Variants in BRCA1 observed in about 807,000 individuals in gnomAD.
BRCA1 encodes the protein breast cancer type 1 susceptibility protein.
A neutral mutation model predicts 173.7 loss-of-function variants in BRCA1; 140 were observed. That is an observed-to-expected ratio of 0.81 (90% confidence interval 0.70 to 0.93). The LOEUF (loss-of-function observed/expected upper bound fraction) is 0.93. BRCA1 is among the 40% of genes least tolerant of loss of function. The pLI is 0.00. For missense variants in BRCA1, 1,983 were observed against 2,172.5 expected (o/e 0.91, Z 1.73); for synonymous variants, 662 against 756.0 (o/e 0.88, Z 2.04).
chr17:43,155,716 G>A (rs1156674035), intron 1 of BRCA1, among the ~76,000 whole-genome samples: 1 of 151,986 alleles, frequency 6.6e-6, no homozygotes, highest in Admixed American at 6.6e-5. Context: ...TGTATTTTTG[G>A]TAGGGAAGGG....
Position 43,091,008 on chromosome 17 carries a change from C to T in BRCA1, c.4121G>A (p.Ser1374Asn), listed in dbSNP as rs1382449149. Residue 1374 changes from serine to asparagine, a missense_variant, in exon 11 of 23, where the codon AGT (serine) becomes AAT (asparagine). Transcript: ENST00000357654. ...GCAGTCTTCAGAGACGCTTGTTTCA[C>T]TCTCACACCCAGATGCTGCTTCACC... ...NLGEAASGCE[S>N]ETSVSEDCSG... 1.9e-6 allele frequency: 3 copies of T among 1,612,748 alleles called. No individual in the cohort carries two copies. The highest frequency in any genetic ancestry group is 2.5e-6 in the Non-Finnish European group (3 of 1,179,562).
intron 1 of BRCA1, among the ~76,000 whole-genome samples, chr17:43,149,269 T>TG (rs34687590): frequency 0.3 from 43,212 of 146,190 alleles, 6,840 homozygotes; most frequent in South Asian, 0.48. Flanking sequence ...GGGCTAGTTT[T>TG]TTTTTTTTTT....
chr17:43,124,507 C>T (rs2154578657), intron 1 of BRCA1, among the ~76,000 whole-genome samples: 1 of 152,264 alleles, frequency 6.6e-6, no homozygotes, highest in East Asian at 1.9e-4. Flanking sequence ...GGCCTCCCCG[C>T]CCCTAACCTT....
chr17:43,169,539 T>C (rs925840902), intron 1 of BRCA1, among the ~76,000 whole-genome samples: 1 of 152,142 alleles, frequency 6.6e-6, no homozygotes, highest in African/African-American at 2.4e-5. Flanking sequence ...GGATTCCTCC[T>C]CGGACACACT....
chr17:43,104,816 G>T (rs1449227369), intron 5 of BRCA1, 52 bp downstream of exon 5: 3 of 1,497,396 alleles, frequency 2.0e-6, no homozygotes, highest in Middle Eastern at 3.4e-4. Context: ...CAAACTTCCT[G>T]AGTTTTCATG....
At chr17:43,139,688 TC>T (rs2154581436) in intron 1 of BRCA1, 1 of 354,354 alleles carries the variant, frequency 2.8e-6, no homozygotes, top group East Asian at 7.7e-5. Context: ...CTCTCCCTCC[TC>T]CCACCCTTCA....
At chr17:43,100,672 ATATATAATATATAT>A (rs1411099826) in intron 6 of BRCA1, among the ~76,000 whole-genome samples, 191 of 18,500 alleles carry the variant, frequency 0.01, 25 homozygotes, top group African/African-American at 0.062. Flanking sequence ...ATATATATAT[ATATATAATATATAT>A]ATATATATAT....
chr17:43,077,775 C>A (rs567043731), intron 12 of BRCA1, among the ~76,000 whole-genome samples: 1 of 151,836 alleles, frequency 6.6e-6, no homozygotes, highest in African/African-American at 2.4e-5. Context: ...CTCTTGTTGC[C>A]CAGGCTGCAG....
intron 12 of BRCA1, among the ~76,000 whole-genome samples, chr17:43,080,455 C>T (rs1030916627): frequency 6.6e-6 from 1 of 152,010 alleles, no homozygotes; most frequent in African/African-American, 2.4e-5. Context: ...CCTTGGCCTC[C>T]CAAAGTGCTG....
intron 3 of BRCA1, among the ~76,000 whole-genome samples, chr17:43,114,818 A>T (rs1390933305): frequency 6.6e-6 from 1 of 152,210 alleles, no homozygotes; most frequent in African/African-American, 2.4e-5. Flanking sequence ...TGTGAGCCAT[A>T]GCTTAACATA....
chr17:43,083,827 AAGG>A lies in BRCA1; in HGVS notation c.4186-1255_4186-1253del, dbSNP rs567832326. ...TGATAAACAAAGAATTTAGGTATGT[AAGG>A]AGTTTTCCAAAATATCCTTCTTAAG... is the stretch of plus-strand genomic sequence containing the variant. On this transcript the variant is annotated intron_variant, in intron 11 of 22. Coordinates refer to ENST00000357654, the MANE Select transcript of BRCA1 (RefSeq NM_007294.4). Among the ~76,000 whole-genome samples the A allele has an allele frequency of 2.0e-5, 3 of 152,306 alleles. No homozygotes were observed. The East Asian group carries it at 5.8e-4, about 29-fold the overall frequency.
In BRCA1 at chr17:43,145,389, C is replaced by T. The variant is rs536435885; in HGVS notation, c.-19-21274G>A. Reference sequence around the variant, plus strand: ...TCGCCCAGGCTGCAGTGCAGTGGTGCGATCTCGGCTCACTGCAAGCTCCGC... The same window carrying T: ...TCGCCCAGGCTGCAGTGCAGTGGTGTGATCTCGGCTCACTGCAAGCTCCGC... On this transcript the variant is annotated intron_variant, in intron 1 of 7. Coordinates refer to the BRCA1 transcript ENST00000634433. 6.5e-4 allele frequency: 254 copies of T among 388,576 alleles called. 4 individuals are homozygous for T. Among genetic ancestry groups the T allele is most frequent in the South Asian group, 5.3e-3 (246 of 46,686 alleles). 24.1% of individuals were successfully genotyped at this position (388,576 alleles called of 1,614,324 possible). A position where few individuals can be genotyped will look rare whatever the true frequency, so the allele number is the denominator to read the frequency against.
At chr17:43,120,626 G>A (rs1378576151) in intron 2 of BRCA1, among the ~76,000 whole-genome samples, 8 of 151,952 alleles carry the variant, frequency 5.3e-5, no homozygotes, top group Admixed American at 2.0e-4. Flanking sequence ...TTAGCCGGGC[G>A]TGGTGGTGGA....
intron 1 of BRCA1, among the ~76,000 whole-genome samples, chr17:43,131,687 C>T (rs567806223): frequency 1.3e-5 from 2 of 151,468 alleles, no homozygotes; most frequent in East Asian, 3.9e-4. Context: ...TGCCACTGCA[C>T]TTCAGCCTCG....
rs572766355 is a variant in BRCA1 at position 43,056,992 on chromosome 17, G to GGGAGTGGAATAC, written c.5277+48_5277+59dup. 3,419 of 1,469,986 alleles carry GGGAGTGGAATAC rather than the reference G, an allele frequency of 2.3e-3. 2 individuals are homozygous for GGGAGTGGAATAC. The highest frequency in any genetic ancestry group is 3.0e-3 in the Non-Finnish European group (3,160 of 1,048,786). The allele number at this position is 1,469,986 out of a possible 1,614,324, so 91.1% of individuals were successfully genotyped here. The stretch of plus-strand genomic sequence containing the variant: ...AATGAAGCGGCCCATCTCTGCAAAG[G>GGGAGTGGAATAC]GGAGTGGAATACAGAGTGGTGGGGT... On this transcript the variant is annotated intron_variant, in intron 19 of 22. Coordinates refer to ENST00000357654, the MANE Select transcript of BRCA1 (RefSeq NM_007294.4).
rs397507189 is a variant in BRCA1, at chr17:43,106,507, T to C, written c.161A>G (p.Gln54Arg). The C allele has an allele frequency of 6.2e-7, 1 of 1,603,460 alleles. No homozygotes were observed. The highest frequency in any genetic ancestry group is 8.5e-7 in the Non-Finnish European group (1 of 1,171,206). The change falls in exon 4 of 23, where the codon CAG (glutamine) becomes CGG (arginine). Residue 54 changes from glutamine (Q) to arginine (R), a missense_variant. Gln to Arg is a conservative substitution (Grantham distance 43). Coordinates refer to ENST00000357654, the MANE Select transcript of BRCA1 (RefSeq NM_007294.4). ...AGGACACTGTGAAGGCCCTTTCTTC[T>C]GGTTGAGAAGTTTCAGCATGCAAAA... is the stretch of plus-strand genomic sequence containing the variant. ...CKFCMLKLLN[Q>R]KKGPSQCPLC...
Position 43,044,737 on chromosome 17 carries a change from AAC to A in BRCA1, c.*939_*940del. The A allele has an allele frequency of 2.0e-6, 1 of 502,434 alleles. No individual in the cohort carries two copies. The highest frequency in any genetic ancestry group is 3.9e-6 in the Non-Finnish European group (1 of 256,526). 31.1% of individuals were successfully genotyped at this position (502,434 alleles called of 1,614,324 possible). On this transcript the variant is annotated 3_prime_UTR_variant, in exon 23 of 23. Transcript: ENST00000357654. ...TCTTGAAAATCTTCTGCTGTTTTAG[AAC>A]ACATTCTTTAGAAATCTAGCAAATA...
At chr17:43,077,733 T>G (rs1188000753) in intron 12 of BRCA1, among the ~76,000 whole-genome samples, 1 of 136,152 alleles carries the variant, frequency 7.3e-6, no homozygotes, top group Non-Finnish European at 1.6e-5. Flanking sequence ...TTATTTATTT[T>G]TATTTATTTA....
upstream of BRCA1, among the ~76,000 whole-genome samples, chr17:43,129,954 G>C (rs149164852): frequency 0.014 from 2,118 of 152,258 alleles, 29 homozygotes; most frequent in South Asian, 0.032. Flanking sequence ...ACGTCAGCAG[G>C]ACTGCGTTTT....
Sources: allele counts gnomAD v4.1 joint callset (sites outside exome capture counted in the v4.1 genomes callset), GRCh38; gene constraint gnomAD v4.1.1; transcripts MANE v1.5; gene names NCBI Gene and HGNC (gene_info 2026-07-23, HGNC 2026-07-21).